SLC66A3: variants seen among roughly 807,000 people sequenced by gnomAD.
SLC66A3 encodes the protein solute carrier family 66 member 3, also known as PQ loop repeat containing 3.
In SLC66A3, 23 loss-of-function variants were observed where a neutral mutation model predicts 25.5. The ratio of observed to expected loss-of-function variants is 0.90; its 90% CI spans 0.65 to 1.28. The LOEUF (loss-of-function observed/expected upper bound fraction) is 1.28. Ranked by LOEUF, SLC66A3 falls within the 50% of genes most tolerant of loss-of-function variation. The pLI, the probability that SLC66A3 is intolerant of heterozygous loss-of-function variation, is 0.00. For synonymous variants in SLC66A3, 108 were observed against 112.6 expected (o/e 0.96, Z 0.26); for missense variants, 246 against 262.1 (o/e 0.94, Z 0.42).
chr2:11,158,818 C>CA (rs35924472), intron 1 of SLC66A3, among the ~76,000 whole-genome samples: 300 of 151,596 alleles, frequency 2.0e-3, no homozygotes, highest in African/African-American at 6.9e-3. Flanking sequence ...GACTCCATCT[C>CA]AAAAAAAAAG....
intron 6 of SLC66A3, among the ~76,000 whole-genome samples, chr2:11,175,891 T>C (rs187172105): frequency 1.3e-5 from 2 of 152,312 alleles, no homozygotes; most frequent in East Asian, 3.9e-4. Flanking sequence ...ATTTGAGAAA[T>C]AGTGCTTCAG....
intron 3 of SLC66A3, among the ~76,000 whole-genome samples, chr2:11,162,567 G>A (rs977703752): frequency 4.6e-5 from 7 of 152,140 alleles, no homozygotes. Context: ...GAGAGCGAAA[G>A]AATAGGGTTA....
intron 3 of SLC66A3, among the ~76,000 whole-genome samples, chr2:11,163,032 A>G (rs1193198048): frequency 1.3e-5 from 2 of 152,190 alleles, no homozygotes; most frequent in Non-Finnish European, 2.9e-5. Context: ...TGAGGCCAGG[A>G]GTTTGAGACT....
intron 3 of SLC66A3, among the ~76,000 whole-genome samples, chr2:11,161,359 G>T (rs1310894979): frequency 1.3e-5 from 2 of 151,910 alleles, no homozygotes; most frequent in African/African-American, 4.8e-5. Flanking sequence ...GCTCACTGCA[G>T]CCTTGACCTC....
In SLC66A3 at chr2:11,168,209, C is replaced by T. The variant is rs557540612; in HGVS notation, c.355-3716C>T. Among the ~76,000 whole-genome samples, 249 of 151,380 alleles carry T rather than the reference C, an allele frequency of 1.6e-3. 1 individual carries two copies. The highest frequency in any genetic ancestry group is 5.7e-3 in the African/African-American group (236 of 41,218). ...GTGAGGCAGGAGAATGGCGTGAACC[C>T]GGGAGGCAGAGGTTGCAGTGAGCCA... On this transcript the variant is annotated intron_variant, in intron 4 of 6. Transcript: ENST00000295083.
At chr2:11,169,461 T>A (rs1662467313) in intron 4 of SLC66A3, among the ~76,000 whole-genome samples, 1 of 152,058 alleles carries the variant, frequency 6.6e-6, no homozygotes, top group Non-Finnish European at 1.5e-5. Flanking sequence ...TTCTCATTCC[T>A]CTTCTTCATT....
At chr2:11,156,991 C>T (rs1023723362) in intron 1 of SLC66A3, among the ~76,000 whole-genome samples, 6 of 152,118 alleles carry the variant, frequency 3.9e-5, no homozygotes, top group African/African-American at 9.7e-5. Flanking sequence ...GATTTGGCCT[C>T]GGCCCCTTGC....
intron 6 of SLC66A3, among the ~76,000 whole-genome samples, chr2:11,177,473 A>C (rs960892771): frequency 1.3e-5 from 2 of 151,538 alleles, no homozygotes; most frequent in African/African-American, 4.8e-5. Flanking sequence ...AAAAAAAAAA[A>C]GTTAAAAGTT....
chr2:11,157,718 A>T (rs561466692), intron 1 of SLC66A3, among the ~76,000 whole-genome samples: 80 of 152,384 alleles, frequency 5.2e-4, no homozygotes, highest in African/African-American at 1.6e-3. Context: ...GTGTGTCTTA[A>T]TAATGCCAGA....
intron 4 of SLC66A3, among the ~76,000 whole-genome samples, chr2:11,165,909 G>A (rs903989477): frequency 1.1e-4 from 17 of 151,844 alleles, no homozygotes; most frequent in Middle Eastern, 3.4e-3. Flanking sequence ...CCAGGCACTC[G>A]GCAGGCTGAG....
chr2:11,156,577 T>C (rs1166268346), intron 1 of SLC66A3, among the ~76,000 whole-genome samples: 1 of 149,450 alleles, frequency 6.7e-6, no homozygotes, highest in African/African-American at 2.5e-5. Flanking sequence ...AGCCAAGGGG[T>C]GCGGGGGAGA....
At chr2:11,164,094 C>T (rs895151409) in intron 3 of SLC66A3, 110 bp from the exon 4 acceptor site, 41 of 639,430 alleles carry the variant, frequency 6.4e-5, no homozygotes, top group Non-Finnish European at 1.1e-4. Flanking sequence ...TCCCCTCCCA[C>T]CCACCTGGCT....
rs775060825 is a variant in SLC66A3 at position 11,155,623 on chromosome 2, C to T, written c.77C>T (p.Ser26Phe). 1.7e-5 allele frequency: 26 copies of T among 1,529,098 alleles called. 1 individual carries two copies. The South Asian group carries it at 3.1e-4, about 18-fold the overall frequency. 94.7% of individuals were successfully genotyped at this position (1,529,098 alleles called of 1,614,324 possible). ...VCAALKLPQI[S>F]AVLAARSARG... ...GCCGCGCTGAAGCTGCCGCAGATCT[C>T]CGCTGTGCTAGCGGCGCGCAGCGCG... The change falls in exon 1 of 7, where the codon TCC becomes TTC. Residue 26 changes from serine to phenylalanine, a missense_variant. Around this residue, in one of 3 missense-constraint regions of SLC66A3, gnomAD observed 142 missense variants for 130.3 expected, o/e 1.09. Coordinates refer to ENST00000295083, the MANE Select transcript of SLC66A3 (RefSeq NM_152391.5).
intron 1 of SLC66A3, among the ~76,000 whole-genome samples, chr2:11,159,668 T>C (rs1572175989): frequency 6.6e-6 from 1 of 152,142 alleles, no homozygotes; most frequent in East Asian, 1.9e-4. Flanking sequence ...CTCCCCTTTC[T>C]TCCTGACCTG....
chr2:11,160,255 G>A (rs1662068714), intron 1 of SLC66A3: 18 of 611,452 alleles, frequency 2.9e-5, no homozygotes, highest in East Asian at 2.5e-4. Flanking sequence ...ACTGTGGCCC[G>A]GTGCCCAGTA....
At chr2:11,177,534 G>A (rs1274904295) in intron 6 of SLC66A3, among the ~76,000 whole-genome samples, 1 of 152,106 alleles carries the variant, frequency 6.6e-6, no homozygotes, top group African/African-American at 2.4e-5. Flanking sequence ...CACTTAAGAT[G>A]ATAAATTATT....
intron 1 of SLC66A3, among the ~76,000 whole-genome samples, chr2:11,157,079 C>A (rs1661932187): frequency 6.6e-6 from 1 of 152,180 alleles, no homozygotes; most frequent in Non-Finnish European, 1.5e-5. Flanking sequence ...TCTATAGATT[C>A]CCTCCTGCCG....
chr2:11,177,540 T>C (rs369587453), intron 6 of SLC66A3, among the ~76,000 whole-genome samples, 197 bp from the exon 7 acceptor site: 27 of 152,194 alleles, frequency 1.8e-4, no homozygotes, highest in African/African-American at 6.3e-4. Flanking sequence ...AGATGATAAA[T>C]TATTATTTAT....
At chr2:11,162,755 C>T (rs908661939) in intron 3 of SLC66A3, among the ~76,000 whole-genome samples, 7 of 152,008 alleles carry the variant, frequency 4.6e-5, no homozygotes, top group African/African-American at 1.7e-4. Flanking sequence ...TACAGGCGCC[C>T]ACCACCATGC....
Sources: allele counts gnomAD v4.1 joint callset (sites outside exome capture counted in the v4.1 genomes callset), GRCh38; gene constraint gnomAD v4.1.1; regional missense constraint gnomAD v4.1.1; transcripts MANE v1.5; gene names NCBI Gene and HGNC (gene_info 2026-07-23, HGNC 2026-07-21).